Variants in SHC2 observed in about 807,000 individuals in gnomAD.
SHC2 encodes SHC adaptor protein 2.
Under a neutral mutation model 60.6 loss-of-function variants are expected in SHC2, and 62 were observed. The ratio of observed to expected loss-of-function variants is 1.02; its 90% CI spans 0.83 to 1.26. The LOEUF is 1.26. Ranked by LOEUF, SHC2 falls within the 50% of genes most tolerant of loss-of-function variation. The probability of loss-of-function intolerance (pLI) is 0.00; values close to 1 mark genes in which losing one functional copy is unlikely to be tolerated. For synonymous variants in SHC2, 375 were observed against 372.4 expected (o/e 1.01, Z -0.08); for missense variants, 873 against 822.2 (o/e 1.06, Z -0.76).
Position 460,665 on chromosome 19 carries a change from C to T in SHC2, c.332G>A (p.Arg111Gln), listed in dbSNP as rs1156924606. 23 of 1,126,106 alleles carry T rather than the reference C, an allele frequency of 2.0e-5. No individual in the cohort carries two copies. The highest frequency in any genetic ancestry group is 2.4e-5 in the Non-Finnish European group (22 of 923,836). The allele number at this position is 1,126,106 out of a possible 1,614,324, so 69.8% of individuals were successfully genotyped here. A position where few individuals can be genotyped will look rare whatever the true frequency, so the allele number is the denominator to read the frequency against. Reference protein sequence around the residue: ...GAGSRGSRGGRGAAGSGDAAA... With the variant: ...GAGSRGSRGGQGAAGSGDAAA... ...GGCGTCCCCGGACCCCGCCGCCCCC[C>T]GCCCGCCCCGCGACCCCCGCGACCC... Residue 111 changes from arginine to glutamine, a missense_variant, in exon 1 of 13, where the codon CGG becomes CAG. Physicochemically the swap from Arg to Gln is conservative, Grantham distance 43 (BLOSUM62 1). Transcript: ENST00000264554.
chr19:460,429 A>C, intron 1 of SHC2, 100 bp downstream of exon 1: 3 of 378,592 alleles, frequency 7.9e-6, no homozygotes, highest in South Asian at 8.8e-5. Context: ...AAGGATGGGG[A>C]GGGGACACCT....
In SHC2 at chr19:424,012, G is replaced by A. The variant is rs1046612932; in HGVS notation, c.1309+1085C>T. ...GCAGGCGCCCACTAGGTGCTAGATG[G>A]TGTCATTATTGTGAAGCTGAGGAGA... is the stretch of plus-strand genomic sequence containing the variant. On this transcript the variant is annotated intron_variant, in intron 10 of 12. Transcript: ENST00000264554. The surrounding 1 kb of genome is among the most constrained non-coding windows in gnomAD (Gnocchi z 4.5). 8.5e-5 allele frequency among the ~76,000 whole-genome samples: 13 copies of A among 152,318 alleles called. No individual in the cohort carries two copies. Among genetic ancestry groups the A allele is most frequent in the African/African-American group, 2.9e-4 (12 of 41,572 alleles).
In SHC2 at chr19:451,722, C is replaced by G. The variant is rs866903616; in HGVS notation, c.468+8807G>C. Among the ~76,000 whole-genome samples the G allele has an allele frequency of 3.3e-5, 5 of 152,132 alleles. No homozygotes were observed. The South Asian group carries it at 8.3e-4, about 25-fold the overall frequency. On this transcript the variant is annotated intron_variant, in intron 1 of 12. Transcript: ENST00000264554. ...AAGCGATTCTCCTGCCTCAGCCTCC[C>G]GAGTAGCTGGGATTACAGTTGCCCG... is the stretch of plus-strand genomic sequence containing the variant.
In SHC2 at chr19:425,159, T is replaced by C; in HGVS notation, c.1247A>G (p.Asn416Ser). ...PPDHEEHLYV[N>S]TQGLDAPEPE... Reference sequence around the variant, plus strand: ...CTCGGGGGCGTCCAGACCCTGGGTGTTGACATACAGGTGCTCCTCGTGGTC... The same window carrying C: ...CTCGGGGGCGTCCAGACCCTGGGTGCTGACATACAGGTGCTCCTCGTGGTC... The change falls in exon 10 of 13, where the codon AAC becomes AGC. Residue 416 changes from asparagine (N) to serine (S), a missense_variant. Physicochemically the swap from Asn to Ser is conservative, Grantham distance 46 (BLOSUM62 1). Transcript: ENST00000264554. The surrounding 1 kb of genome is among the most constrained non-coding windows in gnomAD (Gnocchi z 4.1). The C allele has an allele frequency of 7.3e-7, 1 of 1,376,630 alleles. No homozygotes were observed. The highest frequency in any genetic ancestry group is 9.5e-7 in the Non-Finnish European group (1 of 1,056,872). 85.3% of individuals were successfully genotyped at this position (1,376,630 alleles called of 1,614,324 possible). A position where few individuals can be genotyped will look rare whatever the true frequency, so the allele number is the denominator to read the frequency against.
chr19:438,521 G>C lies in SHC2; in HGVS notation c.720+197C>G, dbSNP rs1057513720. On this transcript the variant is annotated intron_variant, in intron 4 of 12. Coordinates refer to ENST00000264554, the MANE Select transcript of SHC2 (RefSeq NM_012435.3). The surrounding 1 kb of genome is among the most constrained non-coding windows in gnomAD (Gnocchi z 5.0). ...GAGCGCCCCTGTATCAGGACGGCTC[G>C]CCCAGGTGGGAGCCCCTGAGCTGAG... 6.6e-6 allele frequency among the ~76,000 whole-genome samples: 1 copy of C among 152,166 alleles called. No homozygotes were observed. The highest frequency in any genetic ancestry group is 2.4e-5 in the African/African-American group (1 of 41,450).
At position 418,973 on chromosome 19, in the gene SHC2, G is replaced by A. The variant is rs147988680; in HGVS notation, c.1704C>T (p.Ala568=). 2.7e-4 allele frequency: 436 copies of A among 1,585,916 alleles called. No individual in the cohort carries two copies. The African/African-American group carries it at 4.4e-3, about 16-fold the overall frequency. ...HLQNGQPIVA[A]ESELHLRGVV... Reference sequence around the variant, plus strand: ...CGCCACGCAGGTGCAGCTCACTCTCGGCGGCCACGATGGGCTGCCCGTTCT... The same window carrying A: ...CGCCACGCAGGTGCAGCTCACTCTCAGCGGCCACGATGGGCTGCCCGTTCT... Residue 568 remains alanine, a synonymous_variant, in exon 12 of 13, where the codon GCC becomes GCT. Transcript: ENST00000264554.
chr19:460,742 G>T lies in SHC2; in HGVS notation c.255C>A (p.Pro85=), dbSNP rs1327853864. Residue 85 remains proline (P), a synonymous_variant, in exon 1 of 13, where the codon CCC becomes CCA. Transcript: ENST00000264554. ...GCAGGGGACAGGGCGCGGCGCAGCG[G>T]GGCTCGCAGGCGCCCAGGACGGCGG... is the stretch of plus-strand genomic sequence containing the variant. The part of the protein sequence containing the change: ...LAAAVLGACE[P]RCAAPCPLPA... The T allele has an allele frequency of 1.2e-5, 12 of 980,540 alleles. No individual in the cohort carries two copies. In the East Asian group the frequency reaches 9.3e-4, roughly 76 times the overall value. 60.7% of individuals were successfully genotyped at this position (980,540 alleles called of 1,614,324 possible). A position where few individuals can be genotyped will look rare whatever the true frequency, so the allele number is the denominator to read the frequency against.
At position 456,873 on chromosome 19, in the gene SHC2, A is replaced by G. The variant is rs1050482765; in HGVS notation, c.468+3656T>C. ...AATCCCCACCACGTGGGGCCTTTGC[A>G]CCTGCTGTGCCCCTGCCTAGAACTC... On this transcript the variant is annotated intron_variant, in intron 1 of 12. Coordinates refer to ENST00000264554, the MANE Select transcript of SHC2 (RefSeq NM_012435.3). Among the ~76,000 whole-genome samples the G allele has an allele frequency of 2.6e-5, 3 of 114,798 alleles. 1 individual carries two copies. Among genetic ancestry groups the G allele is most frequent in the African/African-American group, 1.1e-4 (3 of 26,288 alleles). 75.3% of individuals were successfully genotyped at this position (114,798 alleles called of 152,430 possible).
intron 8 of SHC2, among the ~76,000 whole-genome samples, chr19:433,598 T>G (rs1247806504): frequency 2.6e-5 from 1 of 39,032 alleles, no homozygotes; most frequent in Non-Finnish European, 4.1e-5. Flanking sequence ...GAGTGAGAGA[T>G]AGAGGAGGCC....
At chr19:430,573 T>C in intron 9 of SHC2, 111 bp downstream of exon 9, 1 of 797,290 alleles carries the variant, frequency 1.3e-6, no homozygotes, top group Non-Finnish European at 2.0e-6. Flanking sequence ...ATCTCATAGA[T>C]TAATGTGAAA....
At chr19:454,435 G>C (rs1022292191) in intron 1 of SHC2, among the ~76,000 whole-genome samples, 1 of 152,266 alleles carries the variant, frequency 6.6e-6, no homozygotes, top group Admixed American at 6.5e-5. Context: ...CAGAGGCCCC[G>C]GGAAGGCGGT....
intron 1 of SHC2, among the ~76,000 whole-genome samples, chr19:447,350 A>G (rs1171112706): frequency 2.6e-5 from 4 of 152,164 alleles, no homozygotes; most frequent in Admixed American, 6.5e-5. Context: ...ATAAGTTTCC[A>G]TTTTGCCTGA....
At chr19:420,560 G>A (rs944968899) in intron 11 of SHC2, among the ~76,000 whole-genome samples, 7 of 152,204 alleles carry the variant, frequency 4.6e-5, no homozygotes, top group African/African-American at 1.7e-4. Flanking sequence ...AAATGCTTTA[G>A]AAGCTGGAGA....
At chr19:443,062 A>G (rs1243461535) in intron 1 of SHC2, among the ~76,000 whole-genome samples, 196 of 63,598 alleles carry the variant, frequency 3.1e-3, no homozygotes, top group Middle Eastern at 0.019. Flanking sequence ...TGGGTGGATG[A>G]GTGGATGGGT....
At chr19:444,024 T>G (rs1437425919) in intron 1 of SHC2, among the ~76,000 whole-genome samples, 45 of 78,844 alleles carry the variant, frequency 5.7e-4, no homozygotes, top group Admixed American at 8.0e-4. Flanking sequence ...TGGATGGATG[T>G]GTAGGTGGAT....
At chr19:454,390 C>T (rs1019400983) in intron 1 of SHC2, among the ~76,000 whole-genome samples, 2 of 152,146 alleles carry the variant, frequency 1.3e-5, no homozygotes, top group African/African-American at 4.8e-5. Flanking sequence ...CAAACCAGAG[C>T]CACTGCCTTT....
intron 9 of SHC2, among the ~76,000 whole-genome samples, chr19:426,877 G>A (rs1317030354): frequency 2.6e-5 from 4 of 152,126 alleles, no homozygotes; most frequent in Non-Finnish European, 5.9e-5. Flanking sequence ...GAGGGAGGAC[G>A]ACAGTGCGAG....
Position 424,682 on chromosome 19 carries a change from CAG to C in SHC2, c.1309+413_1309+414del, listed in dbSNP as rs1477403938. On this transcript the variant is annotated intron_variant, in intron 10 of 12. Coordinates refer to ENST00000264554, the MANE Select transcript of SHC2 (RefSeq NM_012435.3). The surrounding 1 kb of genome is among the most constrained non-coding windows in gnomAD (Gnocchi z 4.5). The stretch of plus-strand genomic sequence containing the variant: ...CCTCCCTTCAGACCGGGGGTTCCGA[CAG>C]AGGCAGGTGGGTTACCCCCGAGAGA... 6.6e-6 allele frequency among the ~76,000 whole-genome samples: 1 copy of C among 152,198 alleles called. No individual in the cohort carries two copies. The highest frequency in any genetic ancestry group is 1.5e-5 in the Non-Finnish European group (1 of 68,038).
At chr19:419,100 G>C in intron 11 of SHC2, 44 bp from the exon 12 acceptor site, 3 of 1,535,358 alleles carry the variant, frequency 2.0e-6, no homozygotes, top group Non-Finnish European at 2.6e-6. Flanking sequence ...GAGCCCGCCT[G>C]GACCCGTGGA....
Sources: gnomAD v4.1 joint callset for allele counts (sites outside exome capture counted in the v4.1 genomes callset) on GRCh38, gnomAD v4.1.1 for gene constraint, Gnocchi (gnomAD v3.1) non-coding constraint, MANE v1.5 for transcripts, NCBI Gene and HGNC (gene_info 2026-07-23, HGNC 2026-07-21) for gene names.